Variants in MGRN1 observed in about 807,000 individuals in gnomAD.
MGRN1 encodes mahogunin ring finger 1.
MGRN1 carries 29 observed loss-of-function variants against 69.2 expected under a neutral mutation model. The observed-to-expected ratio is 0.42, with a 90% CI of 0.31 to 0.57. The LOEUF is 0.57. Ranked by LOEUF, MGRN1 falls within the 20% of genes least tolerant of loss-of-function variation. MGRN1 has a pLI of 0.15. For synonymous variants in MGRN1, 470 were observed against 344.2 expected (o/e 1.37, Z -4.04); for missense variants, 998 against 796.2 (o/e 1.25, Z -3.05).
intron 15 of MGRN1, 97 bp from the exon 16 acceptor site, chr16:4,683,746 C>A: frequency 9.4e-7 from 1 of 1,064,892 alleles, no homozygotes. Context: ...ACAGTGGCTA[C>A]AGAGCCCTTG....
chr16:4,686,177 G>A, intron 16 of MGRN1: 1 of 1,495,156 alleles, frequency 6.7e-7, no homozygotes, highest in African/African-American at 1.4e-5. Flanking sequence ...GTGTCCCCAA[G>A]CTGGTGCCCT....
Position 4,677,511 on chromosome 16 carries a change from C to T in MGRN1, c.1004C>T (p.Ala335Val), listed in dbSNP as rs1429727957. 3 of 1,595,668 alleles carry T rather than the reference C, an allele frequency of 1.9e-6. No individual in the cohort carries two copies. The highest frequency in any genetic ancestry group is 2.5e-6 in the Non-Finnish European group (3 of 1,177,072). Reference sequence around the variant, plus strand: ...CGGGCGGTGCGGAAGAAGCCAGGAGCCCTGTCCCCCGTGTCCTTCAGCCCC... The same window carrying T: ...CGGGCGGTGCGGAAGAAGCCAGGAGTCCTGTCCCCCGTGTCCTTCAGCCCC... ...QIRAVRKKPG[A>V]LSPVSFSPVL... Residue 335 changes from alanine (A) to valine (V), a missense_variant, in exon 11 of 17, where the codon GCC becomes GTC. Ala to Val is a moderately conservative substitution (Grantham distance 64). Transcript: ENST00000262370.
At chr16:4,670,357 C>G (rs557320007) in intron 8 of MGRN1, among the ~76,000 whole-genome samples, 13 of 152,324 alleles carry the variant, frequency 8.5e-5, no homozygotes, top group Admixed American at 2.0e-4. Flanking sequence ...ATTCTTCTGC[C>G]TCAGCATCCC....
chr16:4,661,315 T>C (rs2078675418), intron 5 of MGRN1, among the ~76,000 whole-genome samples: 2 of 152,196 alleles, frequency 1.3e-5, no homozygotes, highest in Non-Finnish European at 2.9e-5. Flanking sequence ...GTGGACGTTT[T>C]CACAAAGCCG....
rs556955597 is a variant in MGRN1 at position 4,683,896 on chromosome 16, T to G, written c.1582T>G (p.Cys528Gly). ...NVLQDSSPEH[C>G]GRGPPADIYL... ...CCTGCAGGACAGCAGCCCCGAGCAC[T>G]GTGGCCGAGGCCCACCTGCTGACAT... is the stretch of plus-strand genomic sequence containing the variant. Residue 528 changes from cysteine (C) to glycine (G), a missense_variant, in exon 16 of 17, where the codon TGT becomes GGT. Coordinates refer to ENST00000262370, the MANE Select transcript of MGRN1 (RefSeq NM_015246.4). 1 of 1,486,230 alleles carries G rather than the reference T, an allele frequency of 6.7e-7. No homozygotes were observed. Among genetic ancestry groups the G allele is most frequent in the East Asian group, 3.0e-5 (1 of 33,066 alleles). 92.1% of individuals were successfully genotyped at this position (1,486,230 alleles called of 1,614,324 possible).
At chr16:4,634,075 T>C (rs1240135573) in intron 1 of MGRN1, among the ~76,000 whole-genome samples, 1 of 152,190 alleles carries the variant, frequency 6.6e-6, no homozygotes, top group Non-Finnish European at 1.5e-5. Context: ...AGGCGTGTGG[T>C]GGGAGGAGCA....
chr16:4,677,365 CTATGGTG>C, intron 10 of MGRN1, 91 bp from the exon 11 acceptor site: 4 of 917,396 alleles, frequency 4.4e-6, no homozygotes, highest in Non-Finnish European at 6.3e-6. Context: ...CCCAGGACCC[CTATGGTG>C]TGGGGGGGGT....
intron 16 of MGRN1, chr16:4,686,708 G>C: frequency 1.6e-5 from 16 of 1,024,126 alleles, no homozygotes; most frequent in Non-Finnish European, 1.9e-5. Flanking sequence ...GGGAGACATG[G>C]GGTGAGCGTC....
chr16:4,644,933 C>G (rs1409558581), intron 1 of MGRN1, among the ~76,000 whole-genome samples: 2 of 152,118 alleles, frequency 1.3e-5, no homozygotes, highest in African/African-American at 4.8e-5. Context: ...TTAACAAACA[C>G]TCTTCTTCCT....
intron 12 of MGRN1, chr16:4,680,416 G>A (rs923035799): frequency 3.1e-5 from 10 of 320,670 alleles, no homozygotes; most frequent in Non-Finnish European, 5.9e-5. Flanking sequence ...TAACGTCGCT[G>A]CTGCGTTTTG....
chr16:4,677,810 G>A (rs1003314928), intron 11 of MGRN1, among the ~76,000 whole-genome samples: 2 of 150,542 alleles, frequency 1.3e-5, no homozygotes, highest in Admixed American at 6.6e-5. Flanking sequence ...GGCTGAGCGC[G>A]GTCGAGGTCT....
At chr16:4,688,002 C>T (rs2079372358) in intron 16 of MGRN1, 4 of 985,426 alleles carry the variant, frequency 4.1e-6, no homozygotes, top group Non-Finnish European at 3.6e-6. Context: ...CGATTCAGGT[C>T]AAGCTTCCGG....
intron 1 of MGRN1, among the ~76,000 whole-genome samples, chr16:4,645,609 G>T (rs190090710): frequency 5.9e-4 from 90 of 152,316 alleles, no homozygotes; most frequent in Admixed American, 1.0e-3. Flanking sequence ...GCTGGGGTGT[G>T]GGAGGCTTGG....
chr16:4,684,455 G>A (rs1055408079), intron 16 of MGRN1, among the ~76,000 whole-genome samples: 16 of 152,338 alleles, frequency 1.1e-4, no homozygotes, highest in South Asian at 1.0e-3. Flanking sequence ...GCCACAGAGC[G>A]CAGGGGCAGT....
rs574843902 is a variant in MGRN1 at position 4,673,737 on chromosome 16, G to T, written c.955+80G>T. The stretch of plus-strand genomic sequence containing the variant: ...ACACCACGGTGGTCCTGGGATAGGG[G>T]GCCACAGGTCCGTTGATGGCTAAGA... On this transcript the variant is annotated intron_variant, in intron 10 of 16. Transcript: ENST00000262370. 1.2e-5 allele frequency: 19 copies of T among 1,529,720 alleles called. No individual in the cohort carries two copies. In the South Asian group the frequency reaches 2.1e-4, roughly 17 times the overall value. 94.8% of individuals were successfully genotyped at this position (1,529,720 alleles called of 1,614,324 possible). A position where few individuals can be genotyped will look rare whatever the true frequency, so the allele number is the denominator to read the frequency against.
At chr16:4,655,124 C>A (rs1302898463) in intron 4 of MGRN1, among the ~76,000 whole-genome samples, 3 of 152,170 alleles carry the variant, frequency 2.0e-5, no homozygotes, top group African/African-American at 7.2e-5. Flanking sequence ...CTGGTGCCCT[C>A]CTCGGGCCTG....
rs757183952 is a variant in MGRN1, at chr16:4,681,582, C to G, written c.1164C>G (p.Pro388=). The change falls in exon 13 of 17, where the codon CCC becomes CCG. Residue 388 remains proline, a synonymous_variant. Transcript: ENST00000262370. ...ACAGCGTCCCACCTGGCTACGAGCC[C>G]ATCTCGCTGCTCGAGGCGCTCAACG... is the stretch of plus-strand genomic sequence containing the variant. ...NSDSVPPGYE[P]ISLLEALNGL... The G allele has an allele frequency of 1.2e-6, 2 of 1,613,462 alleles. No homozygotes were observed. The highest frequency in any genetic ancestry group is 1.7e-6 in the Non-Finnish European group (2 of 1,179,946).
In MGRN1 at chr16:4,683,279, T is replaced by G; in HGVS notation, c.1528+10T>G. On this transcript the variant is annotated intron_variant, in intron 15 of 16. Transcript: ENST00000262370. ...TCGTCACCACAGCAAGGTGAGCGCC[T>G]CCTTCCATGGGCACAAACCGCATGC... is the stretch of plus-strand genomic sequence containing the variant. 1 of 1,613,600 alleles carries G rather than the reference T, an allele frequency of 6.2e-7. No homozygotes were observed. Among genetic ancestry groups the G allele is most frequent in the South Asian group, 1.1e-5 (1 of 91,082 alleles).
At position 4,677,518 on chromosome 16, in the gene MGRN1, C is replaced by T; in HGVS notation, c.1011C>T (p.Ser337=). 1 of 1,596,886 alleles carries T rather than the reference C, an allele frequency of 6.3e-7. No homozygotes were observed. Among genetic ancestry groups the T allele is most frequent in the African/African-American group, 1.3e-5 (1 of 74,676 alleles). ...RAVRKKPGAL[S]PVSFSPVLAQ... is the part of the protein sequence containing the mutation. ...TGCGGAAGAAGCCAGGAGCCCTGTC[C>T]CCCGTGTCCTTCAGCCCCGTCCTGG... is the stretch of plus-strand genomic sequence containing the variant. Residue 337 remains serine (S), a synonymous_variant, in exon 11 of 17, where the codon TCC becomes TCT. Transcript: ENST00000262370.
Sources: gnomAD v4.1 joint callset for allele counts (sites outside exome capture counted in the v4.1 genomes callset) on GRCh38, gnomAD v4.1.1 for gene constraint, MANE v1.5 for transcripts, NCBI Gene and HGNC (gene_info 2026-07-23, HGNC 2026-07-21) for gene names.